SPATS1: variants seen among roughly 807,000 people sequenced by gnomAD.
The protein encoded by SPATS1 is spermatogenesis-associated serine-rich protein 1.
Under a neutral mutation model 33.6 loss-of-function variants are expected in SPATS1, and 23 were observed. The observed-to-expected ratio is 0.68, with a 90% CI of 0.49 to 0.97. SPATS1 has a LOEUF of 0.97. Ranked by LOEUF, SPATS1 falls within the 50% of genes least tolerant of loss-of-function variation. The probability of loss-of-function intolerance (pLI) is 0.00; values close to 1 mark genes in which losing one functional copy is unlikely to be tolerated. For synonymous variants in SPATS1, 131 were observed against 125.6 expected, an observed-to-expected ratio of 1.04 and a Z score of -0.29; for missense variants, 327 against 361.0, an observed-to-expected ratio of 0.91 and a Z score of 0.76.
rs35925177 is a variant in SPATS1, at chr6:44,379,784, T to TA, written c.*2733dup. Among the ~76,000 whole-genome samples the TA allele has an allele frequency of 0.2, 26,228 of 130,340 alleles. 2,674 individuals carry two copies. The highest frequency in any genetic ancestry group is 0.45 in the East Asian group (2,157 of 4,742). 85.5% of individuals were successfully genotyped at this position (130,340 alleles called of 152,430 possible). On this transcript the variant is annotated 3_prime_UTR_variant, in exon 9 of 9. Coordinates refer to ENST00000674044, the MANE Select transcript of SPATS1 (RefSeq NM_001372081.1). ...TAATCCAGGCCGCAAAAACCATGAGTAAAAAAAAAAAACACAAAAAAACAA... is the reference window on the plus strand; with the variant it reads ...TAATCCAGGCCGCAAAAACCATGAGTAAAAAAAAAAAAACACAAAAAAACAA...
chr6:44,360,073 T>C (rs1223708786), intron 3 of SPATS1, among the ~76,000 whole-genome samples: 2 of 152,220 alleles, frequency 1.3e-5, no homozygotes, highest in African/African-American at 4.8e-5. Flanking sequence ...GAAACAGAAT[T>C]ACTGAGTCTT....
intron 3 of SPATS1, among the ~76,000 whole-genome samples, chr6:44,359,104 G>T (rs1487667446): frequency 6.6e-6 from 1 of 152,022 alleles, no homozygotes; most frequent in Non-Finnish European, 1.5e-5. Flanking sequence ...AGAACTACAG[G>T]TGTGCACCAC....
chr6:44,367,678 A>T (rs1221057251), intron 5 of SPATS1, among the ~76,000 whole-genome samples: 2 of 152,202 alleles, frequency 1.3e-5, no homozygotes, highest in African/African-American at 4.8e-5. Flanking sequence ...TAGGAGATGC[A>T]TCTGGTGTAA....
At chr6:44,369,404 G>T (rs1789459418) in intron 6 of SPATS1, among the ~76,000 whole-genome samples, 1 of 151,984 alleles carries the variant, frequency 6.6e-6, no homozygotes, top group African/African-American at 2.4e-5. Context: ...ACAAAAATTA[G>T]CTGGGCACGG....
At chr6:44,349,693 C>A (rs1186474394) in intron 2 of SPATS1, among the ~76,000 whole-genome samples, 2 of 152,054 alleles carry the variant, frequency 1.3e-5, no homozygotes, top group Admixed American at 6.6e-5. Flanking sequence ...GCATTCAAGG[C>A]CCCAGATTTC....
intron 6 of SPATS1, among the ~76,000 whole-genome samples, chr6:44,369,295 C>A (rs1489046476): frequency 6.6e-6 from 1 of 151,984 alleles, no homozygotes; most frequent in Non-Finnish European, 1.5e-5. Context: ...GTAACCCCAG[C>A]CCTTTGAGAG....
intron 6 of SPATS1, 120 bp downstream of exon 6, chr6:44,368,619 T>C: frequency 1.0e-6 from 1 of 967,780 alleles, no homozygotes; most frequent in Non-Finnish European, 1.4e-6. Context: ...GGATGAAAAT[T>C]CCTTGAAAAG....
At chr6:44,357,381 G>A (rs1788654892) in intron 3 of SPATS1, among the ~76,000 whole-genome samples, 1 of 151,936 alleles carries the variant, frequency 6.6e-6, no homozygotes, top group African/African-American at 2.4e-5. Context: ...GTTTTTGTTT[G>A]TTTGTTTGTT....
At chr6:44,346,752 A>G (rs757941468) in intron 2 of SPATS1, among the ~76,000 whole-genome samples, 10 of 152,002 alleles carry the variant, frequency 6.6e-5, no homozygotes, top group Non-Finnish European at 1.0e-4. Context: ...ATTTATTTTC[A>G]TCTTATAAAT....
At chr6:44,358,564 A>T (rs757124581) in intron 3 of SPATS1, among the ~76,000 whole-genome samples, 2 of 152,224 alleles carry the variant, frequency 1.3e-5, no homozygotes, top group Non-Finnish European at 2.9e-5. Context: ...CATAATTCAC[A>T]TACCTTAAAA....
intron 3 of SPATS1, among the ~76,000 whole-genome samples, chr6:44,356,563 G>A (rs1415213068): frequency 6.6e-6 from 1 of 152,178 alleles, no homozygotes; most frequent in Non-Finnish European, 1.5e-5. Context: ...AGGCTCAACT[G>A]TGGGAGGATC....
At chr6:44,342,997 T>G (rs1583073760) in intron 1 of SPATS1, 99 bp from the exon 2 acceptor site, 1 of 1,482,394 alleles carries the variant, frequency 6.7e-7, no homozygotes, top group Non-Finnish European at 9.2e-7. Context: ...TGACTTTCGG[T>G]GGCTTGTGGA....
At position 44,366,014 on chromosome 6, in the gene SPATS1, G is replaced by A. The variant is rs183506840; in HGVS notation, c.575-2365G>A. ...ATGTTATCTCAGAAGTGTTGTTTGG[G>A]AGATTTTCCCCCTAAAAGTAACACC... On this transcript the variant is annotated intron_variant, in intron 5 of 8. Coordinates refer to ENST00000674044, the MANE Select transcript of SPATS1 (RefSeq NM_001372081.1). Among the ~76,000 whole-genome samples, 6 of 152,166 alleles carry A rather than the reference G, an allele frequency of 3.9e-5. No individual in the cohort carries two copies. In the East Asian group the frequency reaches 1.2e-3, roughly 29 times the overall value.
At position 44,368,366 on chromosome 6, in the gene SPATS1, A is replaced by G; in HGVS notation, c.575-13A>G. 1 of 1,610,540 alleles carries G rather than the reference A, an allele frequency of 6.2e-7. No homozygotes were observed. ...AGCCCTTGTATGATTTTGTTTTCAA[A>G]CCTTCTCCACAGATATTGATCCCAG... is the stretch of plus-strand genomic sequence containing the variant. On this transcript the variant is annotated splice_polypyrimidine_tract_variant and intron_variant, in intron 5 of 8. Transcript: ENST00000674044.
At chr6:44,370,504 CAG>C (rs1436561126) in intron 7 of SPATS1, among the ~76,000 whole-genome samples, 19 of 152,310 alleles carry the variant, frequency 1.2e-4, no homozygotes, top group African/African-American at 4.1e-4. Context: ...AGAAAGCTAA[CAG>C]AGCACTTCTG....
intron 3 of SPATS1, among the ~76,000 whole-genome samples, chr6:44,360,131 A>T (rs1788819239): frequency 6.6e-6 from 1 of 152,088 alleles, no homozygotes; most frequent in Non-Finnish European, 1.5e-5. Context: ...AATTATTTTT[A>T]AACACTTAAA....
chr6:44,359,459 A>G (rs1364578980), intron 3 of SPATS1, among the ~76,000 whole-genome samples: 1 of 152,094 alleles, frequency 6.6e-6, no homozygotes, highest in Non-Finnish European at 1.5e-5. Flanking sequence ...TACCTATTCT[A>G]GATATTTCAT....
At position 44,377,358 on chromosome 6, in the gene SPATS1, TG is replaced by T; in HGVS notation, c.*296del. The T allele has an allele frequency of 2.1e-6, 1 of 479,984 alleles. No individual in the cohort carries two copies. The highest frequency in any genetic ancestry group is 2.0e-5 in the African/African-American group (1 of 51,210). 29.7% of individuals were successfully genotyped at this position (479,984 alleles called of 1,614,324 possible). On this transcript the variant is annotated 3_prime_UTR_variant, in exon 9 of 9. Coordinates refer to ENST00000674044, the MANE Select transcript of SPATS1 (RefSeq NM_001372081.1). ...ACCATTTTGCTGAACTCTTTGAGAG[TG>T]AGTGGCAGATATTGTAACCCTTTAC...
chr6:44,343,177 C>T lies in SPATS1; in HGVS notation c.82C>T (p.Leu28=). Residue 28 remains leucine (L), a synonymous_variant, in exon 2 of 9, where the codon CTG becomes TTG. Transcript: ENST00000674044. ...CTCAAGCACGACCTGCGGCAGACAGCTGGAGAAGGTTCCAGAAAAAAGGGA... is the reference window on the plus strand; with the variant it reads ...CTCAAGCACGACCTGCGGCAGACAGTTGGAGAAGGTTCCAGAAAAAAGGGA... ...SISSTTCGRQ[L]EKVPEKRDSG... 1.2e-6 allele frequency: 2 copies of T among 1,614,030 alleles called. No homozygotes were observed. The highest frequency in any genetic ancestry group is 2.2e-5 in the East Asian group (1 of 44,872).
Sources: gnomAD v4.1 joint callset for allele counts (sites outside exome capture counted in the v4.1 genomes callset) on GRCh38, gnomAD v4.1.1 for gene constraint, MANE v1.5 for transcripts, NCBI Gene and HGNC (gene_info 2026-07-23, HGNC 2026-07-21) for gene names.